WWOX: variants seen among roughly 807,000 people sequenced by gnomAD.
WWOX encodes WW domain containing oxidoreductase.
WWOX carries 69 observed loss-of-function variants against 46.2 expected under a neutral mutation model. The observed-to-expected ratio is 1.49, with a 90% CI of 1.23 to 1.82. The LOEUF is 1.82. Ranked by LOEUF, WWOX falls within the 40% of genes most tolerant of loss-of-function variation. The probability of loss-of-function intolerance (pLI) is 0.00; values close to 1 mark genes in which losing one functional copy is unlikely to be tolerated. For synonymous variants in WWOX, 359 were observed against 202.6 expected, an observed-to-expected ratio of 1.77 and a Z score of -6.56; for missense variants, 919 against 542.6, an observed-to-expected ratio of 1.69 and a Z score of -6.89.
At chr16:78,999,675 A>G (rs992728959) in intron 8 of WWOX, among the ~76,000 whole-genome samples, 2 of 152,266 alleles carry the variant, frequency 1.3e-5, no homozygotes, top group Non-Finnish European at 2.9e-5. Flanking sequence ...GTGATTGGTG[A>G]TAAAAATGGA....
At chr16:78,852,506 G>C (rs369862215) in intron 8 of WWOX, among the ~76,000 whole-genome samples, 5 of 152,136 alleles carry the variant, frequency 3.3e-5, no homozygotes, top group African/African-American at 1.2e-4. Context: ...AGCCTTGTTG[G>C]AAGCAGTTCC....
At chr16:78,434,001 G>A (rs942419001) in intron 8 of WWOX, among the ~76,000 whole-genome samples, 2 of 151,700 alleles carry the variant, frequency 1.3e-5, no homozygotes, top group African/African-American at 4.9e-5. Context: ...GTTTTAGCCG[G>A]GATGGTCTCA....
At chr16:78,463,685 C>T (rs1256855427) in intron 8 of WWOX, among the ~76,000 whole-genome samples, 1 of 152,170 alleles carries the variant, frequency 6.6e-6, no homozygotes, top group African/African-American at 2.4e-5. Context: ...AATCTGTTGG[C>T]TGATACTCTG....
At chr16:78,164,325 C>T in intron 5 of WWOX, 36 bp downstream of exon 5, 1 of 1,578,014 alleles carries the variant, frequency 6.3e-7, no homozygotes, top group African/African-American at 1.3e-5. Flanking sequence ...TTTTAATTGT[C>T]AAATACACAT....
intron 5 of WWOX, among the ~76,000 whole-genome samples, chr16:78,178,841 G>A (rs886116021): frequency 2.0e-5 from 3 of 149,240 alleles, no homozygotes; most frequent in African/African-American, 7.5e-5. Flanking sequence ...TCCAGCCTGG[G>A]CGACAGAGCG....
At chr16:78,332,506 G>C (rs1403100388) in intron 5 of WWOX, among the ~76,000 whole-genome samples, 2 of 152,166 alleles carry the variant, frequency 1.3e-5, no homozygotes, top group East Asian at 3.9e-4. Flanking sequence ...AGATCTTTTG[G>C]GTACATGCTA....
intron 8 of WWOX, among the ~76,000 whole-genome samples, chr16:78,692,745 C>T (rs529629536): frequency 6.6e-6 from 1 of 152,188 alleles, no homozygotes. Context: ...GCTTCTTAAA[C>T]TGGGGTATGA....
At chr16:78,718,599 C>G (rs750636474) in intron 8 of WWOX, among the ~76,000 whole-genome samples, 6 of 152,052 alleles carry the variant, frequency 3.9e-5, no homozygotes, top group African/African-American at 1.2e-4. Context: ...CCTAGGTACT[C>G]TGGAGGGTGA....
intron 8 of WWOX, among the ~76,000 whole-genome samples, chr16:78,829,615 T>G (rs1038107862): frequency 1.3e-5 from 2 of 152,120 alleles, no homozygotes; most frequent in Non-Finnish European, 2.9e-5. Flanking sequence ...GCACATATAG[T>G]CAATCATCAC....
chr16:78,853,050 C>T (rs79465411), intron 8 of WWOX, among the ~76,000 whole-genome samples: 1 of 152,118 alleles, frequency 6.6e-6, no homozygotes, highest in African/African-American at 2.4e-5. Flanking sequence ...GTTTTCTTAT[C>T]TGCAAAATGA....
chr16:78,283,712 AAAG>A (rs1174574115), intron 5 of WWOX, among the ~76,000 whole-genome samples: 1 of 152,194 alleles, frequency 6.6e-6, no homozygotes, highest in African/African-American at 2.4e-5. Context: ...AGAAAAAAAA[AAAG>A]AAGAAAAATC....
At chr16:78,793,717 A>G (rs1177884789) in intron 8 of WWOX, among the ~76,000 whole-genome samples, 1 of 152,112 alleles carries the variant, frequency 6.6e-6, no homozygotes, top group Non-Finnish European at 1.5e-5. Context: ...TGCAAATGCA[A>G]CTCATCCTTG....
intron 5 of WWOX, among the ~76,000 whole-genome samples, chr16:78,228,337 CTCTTT>C (rs1254139968): frequency 8.7e-6 from 1 of 114,898 alleles, no homozygotes; most frequent in Non-Finnish European, 1.6e-5. Context: ...ATCATATTCT[CTCTTT>C]TTTTTTTTTT....
At chr16:79,093,658 C>A (rs1244680320) in intron 8 of WWOX, among the ~76,000 whole-genome samples, 3 of 152,212 alleles carry the variant, frequency 2.0e-5, no homozygotes, top group Non-Finnish European at 2.9e-5. Context: ...ATTACTTTTA[C>A]CGCACACTTC....
intron 8 of WWOX, among the ~76,000 whole-genome samples, chr16:78,516,018 C>T (rs779453338): frequency 1.1e-4 from 17 of 152,098 alleles, no homozygotes; most frequent in Admixed American, 6.6e-5. Flanking sequence ...TCTCCCCTTC[C>T]CTGCTCCCTC....
At chr16:78,883,999 C>A (rs1223140660) in intron 8 of WWOX, among the ~76,000 whole-genome samples, 1 of 152,058 alleles carries the variant, frequency 6.6e-6, no homozygotes, top group Non-Finnish European at 1.5e-5. Flanking sequence ...TCACTTCTGG[C>A]CAGGCGTGGT....
chr16:78,712,167 T>G (rs965035734), intron 8 of WWOX, among the ~76,000 whole-genome samples: 2 of 152,142 alleles, frequency 1.3e-5, no homozygotes, highest in South Asian at 4.1e-4. Context: ...CGAAATGTTA[T>G]GTGGGATAGG....
chr16:78,667,730 C>T (rs1050359965), intron 8 of WWOX, among the ~76,000 whole-genome samples: 1 of 151,136 alleles, frequency 6.6e-6, no homozygotes, highest in African/African-American at 2.4e-5. Context: ...GATGAGAACA[C>T]CCATTACTCT....
intron 8 of WWOX, among the ~76,000 whole-genome samples, chr16:78,512,087 G>A (rs1540763): frequency 0.13 from 20,218 of 152,126 alleles, 2,706 homozygotes; most frequent in African/African-American, 0.34. Context: ...TCTAAACTTA[G>A]CAATGCAACT....
Sources: allele counts gnomAD v4.1 joint callset (sites outside exome capture counted in the v4.1 genomes callset), GRCh38; gene constraint gnomAD v4.1.1; transcripts MANE v1.5; gene names NCBI Gene and HGNC (gene_info 2026-07-23, HGNC 2026-07-21).